Variants in PREX1 observed in about 807,000 individuals in gnomAD.
The protein encoded by PREX1 is phosphatidylinositol 3,4,5-trisphosphate-dependent Rac exchanger 1 protein.
In PREX1, 41 loss-of-function variants were observed where a neutral mutation model predicts 198.3. The observed-to-expected ratio is 0.21, with a 90% CI of 0.16 to 0.27. PREX1 has a LOEUF of 0.27. Among genes scored for constraint, PREX1 ranks in the 10% least tolerant of loss-of-function variants. The pLI is 1.00. For synonymous variants in PREX1, 843 were observed against 887.2 expected, an observed-to-expected ratio of 0.95 and a Z score of 0.89; for missense variants, 1,620 against 2,200.7, an observed-to-expected ratio of 0.74 and a Z score of 5.28.
At chr20:48,783,045 AGC>A (rs1375364871) in intron 1 of PREX1, among the ~76,000 whole-genome samples, 1 of 152,234 alleles carries the variant, frequency 6.6e-6, no homozygotes, top group Non-Finnish European at 1.5e-5. Flanking sequence ...GGGTTTACAC[AGC>A]GCTGCCACTC....
At chr20:48,627,289 G>A (rs1231796450) in intron 39 of PREX1, among the ~76,000 whole-genome samples, 1 of 151,906 alleles carries the variant, frequency 6.6e-6, no homozygotes, top group Non-Finnish European at 1.5e-5. Flanking sequence ...TGGGGCTGAG[G>A]GCACAGTGTA....
chr20:48,714,394 G>A (rs1259825124), intron 5 of PREX1, among the ~76,000 whole-genome samples: 1 of 152,156 alleles, frequency 6.6e-6, no homozygotes, highest in East Asian at 1.9e-4. Context: ...CCCAGAATAT[G>A]TAAAGAACCC....
intron 7 of PREX1, among the ~76,000 whole-genome samples, chr20:48,694,993 A>G (rs2089838090): frequency 6.6e-6 from 1 of 152,252 alleles, no homozygotes; most frequent in Non-Finnish European, 1.5e-5. Context: ...ACATATACAT[A>G]CATATGTGCA....
Position 48,749,634 on chromosome 20 carries a change from G to C in PREX1, c.220-1754C>G, listed in dbSNP as rs542861263. ...CCCCGGGAGCCCGGCCACCTGCCCA[G>C]ACTCAAGCCTCTTGGGAGGGGGCGC... On this transcript the variant is annotated intron_variant, in intron 1 of 39. Coordinates refer to ENST00000371941, the MANE Select transcript of PREX1 (RefSeq NM_020820.4). Among the ~76,000 whole-genome samples, 79 of 152,314 alleles carry C rather than the reference G, an allele frequency of 5.2e-4. 1 individual carries two copies. The highest frequency in any genetic ancestry group is 1.9e-3 in the African/African-American group (78 of 41,564).
At chr20:48,771,685 C>G (rs1175562468) in intron 1 of PREX1, among the ~76,000 whole-genome samples, 1 of 152,080 alleles carries the variant, frequency 6.6e-6, no homozygotes, top group African/African-American at 2.4e-5. Flanking sequence ...GCCGTGCAGC[C>G]CCATCACCAT....
rs927955890 is a variant in PREX1 at position 48,646,194 on chromosome 20, G to A, written c.3306-137C>T. On this transcript the variant is annotated intron_variant, in intron 25 of 39. Transcript: ENST00000371941. ...TGGGAGACTCGCAAGTTCTTTCACG[G>A]CCAAGCTACACAAGGCTCTACCAGA... 3 of 819,254 alleles carry A rather than the reference G, an allele frequency of 3.7e-6. No individual in the cohort carries two copies. In the South Asian group the frequency reaches 4.9e-5, roughly 13 times the overall value. The allele number at this position is 819,254 out of a possible 1,614,324, so 50.7% of individuals were successfully genotyped here. A position where few individuals can be genotyped will look rare whatever the true frequency, so the allele number is the denominator to read the frequency against.
At chr20:48,716,189 G>A (rs754800165) in intron 5 of PREX1, among the ~76,000 whole-genome samples, 8 of 152,166 alleles carry the variant, frequency 5.3e-5, no homozygotes, top group Admixed American at 1.3e-4. Flanking sequence ...CCCAGCATCC[G>A]CCCCTCGAGT....
At chr20:48,836,306 G>T in the PREX1 span, among the ~76,000 whole-genome samples, 1 of 152,170 alleles carries the variant, frequency 6.6e-6, no homozygotes, top group Non-Finnish European at 1.5e-5. Context: ...AAGCCTTGGG[G>T]CTGGGCGAGA....
Position 48,827,606 on chromosome 20 carries a change from G to T in PREX1, c.219+36C>A. 8.1e-7 allele frequency: 1 copy of T among 1,233,088 alleles called. No homozygotes were observed. Among genetic ancestry groups the T allele is most frequent in the East Asian group, 3.2e-5 (1 of 31,564 alleles). 76.4% of individuals were successfully genotyped at this position (1,233,088 alleles called of 1,614,324 possible). A position where few individuals can be genotyped will look rare whatever the true frequency, so the allele number is the denominator to read the frequency against. ...GACCGCAGCGGGGCGAGCGGCTGGA[G>T]GGAAAGCTGTCCCCAAGCTCCCGAG... On this transcript the variant is annotated intron_variant, in intron 1 of 39. Transcript: ENST00000371941. The surrounding 1 kb of genome is among the most constrained non-coding windows in gnomAD (Gnocchi z 4.1).
At chr20:48,681,577 T>C (rs1027109271) in intron 10 of PREX1, among the ~76,000 whole-genome samples, 1 of 151,038 alleles carries the variant, frequency 6.6e-6, no homozygotes, top group Non-Finnish European at 1.5e-5. Context: ...GATGGATGCA[T>C]GGATGGATGG....
At chr20:48,726,205 A>T in intron 5 of PREX1, 85 bp downstream of exon 5, 1 of 1,149,552 alleles carries the variant, frequency 8.7e-7, no homozygotes, top group Admixed American at 2.0e-5. Context: ...CTGCTGCTAG[A>T]CTTCTCAGAT....
At chr20:48,667,887 T>G (rs2089650081) in intron 14 of PREX1, among the ~76,000 whole-genome samples, 2 of 152,092 alleles carry the variant, frequency 1.3e-5, no homozygotes, top group Admixed American at 1.3e-4. Flanking sequence ...GACACTTGAG[T>G]GGAGGACCCC....
chr20:48,661,468 T>TATATATATATAC (rs1373152651), intron 15 of PREX1, among the ~76,000 whole-genome samples: 217 of 76,730 alleles, frequency 2.8e-3, no homozygotes, highest in African/African-American at 6.0e-3. Flanking sequence ...TATATATATA[T>TATATATATATAC]ACACACACAT....
chr20:48,812,596 T>C (rs1420881196), intron 1 of PREX1, among the ~76,000 whole-genome samples: 2 of 152,112 alleles, frequency 1.3e-5, no homozygotes, highest in East Asian at 1.9e-4. Context: ...CTAATATATA[T>C]GGAATGCTTA....
At chr20:48,672,666 C>G (rs972336055) in intron 14 of PREX1, among the ~76,000 whole-genome samples, 1 of 152,264 alleles carries the variant, frequency 6.6e-6, no homozygotes, top group African/African-American at 2.4e-5. Flanking sequence ...CTCGCTCTGC[C>G]TAAGAGCCTC....
chr20:48,726,233 TTA>T, intron 5 of PREX1, 55 bp downstream of exon 5: 1 of 1,451,566 alleles, frequency 6.9e-7, no homozygotes, highest in Non-Finnish European at 9.6e-7. Context: ...CTAACAAATT[TTA>T]TGTTATGCTG....
chr20:48,734,464 C>T (rs1450084181), intron 4 of PREX1, 82 bp downstream of exon 4: 4 of 1,178,520 alleles, frequency 3.4e-6, no homozygotes, highest in African/African-American at 1.5e-5. Flanking sequence ...CACCATGGGG[C>T]AGCATGAAGT....
chr20:48,858,452 A>C, the PREX1 span, among the ~76,000 whole-genome samples: 1 of 152,160 alleles, frequency 6.6e-6, no homozygotes, highest in Non-Finnish European at 1.5e-5. Context: ...CCCAATCCTC[A>C]ACAGCAGCAG....
chr20:48,712,717 G>A (rs1296974125), intron 5 of PREX1, among the ~76,000 whole-genome samples: 1 of 152,220 alleles, frequency 6.6e-6, no homozygotes, highest in Non-Finnish European at 1.5e-5. Context: ...GTTAGCTTTG[G>A]TGTCTTGGTT....
Sources: gnomAD v4.1 joint callset for allele counts (sites outside exome capture counted in the v4.1 genomes callset) on GRCh38, gnomAD v4.1.1 for gene constraint, Gnocchi (gnomAD v3.1) non-coding constraint, MANE v1.5 for transcripts, NCBI Gene and HGNC (gene_info 2026-07-23, HGNC 2026-07-21) for gene names.